RNLS: variants seen among roughly 807,000 people sequenced by gnomAD.
RNLS encodes the protein renalase.
A neutral mutation model predicts 39.8 loss-of-function variants in RNLS; 39 were observed. The observed-to-expected ratio is 0.98, with a 90% CI of 0.76 to 1.28. RNLS has a LOEUF of 1.28. Ranked by LOEUF, RNLS falls within the 50% of genes most tolerant of loss-of-function variation. RNLS has a pLI of 0.00. For missense variants in RNLS, 410 were observed against 413.3 expected, an observed-to-expected ratio of 0.99 and a Z score of 0.07; for synonymous variants, 147 against 150.7, an observed-to-expected ratio of 0.98 and a Z score of 0.18.
chr10:88,501,823 C>T (rs1382179241), intron 4 of RNLS, among the ~76,000 whole-genome samples: 1 of 152,122 alleles, frequency 6.6e-6, no homozygotes, highest in Non-Finnish European at 1.5e-5. Context: ...ATATATTTCT[C>T]TATATTTCCA....
chr10:88,250,960 A>C, the RNLS span, among the ~76,000 whole-genome samples: 3 of 152,198 alleles, frequency 2.0e-5, no homozygotes, highest in African/African-American at 7.2e-5. Context: ...GAAACTGTTA[A>C]ATGTGTTTCA....
At chr10:88,466,126 A>G (rs1024240251) in intron 4 of RNLS, among the ~76,000 whole-genome samples, 1 of 152,076 alleles carries the variant, frequency 6.6e-6, no homozygotes, top group Non-Finnish European at 1.5e-5. Flanking sequence ...GATGCCAGGG[A>G]GAGATATTAG....
chr10:88,315,982 T>C (rs1285442153), intron 5 of RNLS, among the ~76,000 whole-genome samples: 3 of 152,190 alleles, frequency 2.0e-5, no homozygotes, highest in African/African-American at 7.2e-5. Context: ...GTGTGAGTCA[T>C]GTTTTGTGAA....
At chr10:88,252,838 T>C in the RNLS span, among the ~76,000 whole-genome samples, 1 of 152,224 alleles carries the variant, frequency 6.6e-6, no homozygotes, top group Non-Finnish European at 1.5e-5. Context: ...ATTTAATACA[T>C]GTATTGTAGA....
chr10:88,313,449 TAA>T (rs1435410162), intron 6 of RNLS, among the ~76,000 whole-genome samples: 2 of 152,188 alleles, frequency 1.3e-5, no homozygotes, highest in Admixed American at 6.6e-5. Flanking sequence ...AAGGAAAAAG[TAA>T]AGTCTTCTAA....
At chr10:88,553,404 C>T (rs182721961) in intron 4 of RNLS, among the ~76,000 whole-genome samples, 1 of 152,202 alleles carries the variant, frequency 6.6e-6, no homozygotes, top group East Asian at 1.9e-4. Context: ...GTTCCAGGTC[C>T]CCACTTGGCC....
At chr10:88,255,505 G>A in the RNLS span, among the ~76,000 whole-genome samples, 8 of 152,198 alleles carry the variant, frequency 5.3e-5, no homozygotes, top group Non-Finnish European at 8.8e-5. Context: ...GGGTAGAGGG[G>A]TGATATGGGG....
At chr10:88,439,856 A>G (rs1250489977) in intron 4 of RNLS, among the ~76,000 whole-genome samples, 1 of 152,070 alleles carries the variant, frequency 6.6e-6, no homozygotes, top group African/African-American at 2.4e-5. Context: ...TCCTTTCCCC[A>G]TTTCTTGAAG....
chr10:88,472,757 T>C (rs1843617729), intron 4 of RNLS, among the ~76,000 whole-genome samples: 2 of 152,176 alleles, frequency 1.3e-5, no homozygotes, highest in East Asian at 1.9e-4. Context: ...GGGGAGCTTG[T>C]TGACAAAGCA....
At chr10:88,404,820 A>G (rs1179753964) in intron 4 of RNLS, among the ~76,000 whole-genome samples, 1 of 152,100 alleles carries the variant, frequency 6.6e-6, no homozygotes, top group African/African-American at 2.4e-5. Flanking sequence ...TGTACTTGGG[A>G]ATGGCAGGCA....
chr10:88,533,783 G>A (rs1847578745), intron 4 of RNLS, among the ~76,000 whole-genome samples: 1 of 152,086 alleles, frequency 6.6e-6, no homozygotes, highest in Admixed American at 6.6e-5. Flanking sequence ...TGAGGACAGT[G>A]ATGTCTAAAG....
chr10:88,282,608 G>A (rs373561108), downstream of RNLS, among the ~76,000 whole-genome samples: 26 of 152,000 alleles, frequency 1.7e-4, no homozygotes, highest in East Asian at 1.9e-3. Context: ...TAGGCGGGGG[G>A]TGGGGACCAT....
At chr10:88,491,950 G>C (rs1446430997) in intron 4 of RNLS, among the ~76,000 whole-genome samples, 1 of 147,210 alleles carries the variant, frequency 6.8e-6, no homozygotes, top group African/African-American at 2.5e-5. Context: ...GGGAGAAAAA[G>C]AGTTTTGTTT....
At chr10:88,420,323 T>G (rs1420886310) in intron 4 of RNLS, among the ~76,000 whole-genome samples, 1 of 152,210 alleles carries the variant, frequency 6.6e-6, no homozygotes, top group East Asian at 1.9e-4. Context: ...TGGCTGATGC[T>G]AACTGATTTT....
At chr10:88,558,590 A>G (rs1328777108) in intron 4 of RNLS, among the ~76,000 whole-genome samples, 3 of 152,136 alleles carry the variant, frequency 2.0e-5, no homozygotes, top group Admixed American at 6.6e-5. Context: ...CTAAACTCCA[A>G]GATGATGGAA....
chr10:88,319,386 C>T (rs1013420907), intron 5 of RNLS, among the ~76,000 whole-genome samples: 18 of 151,978 alleles, frequency 1.2e-4, no homozygotes, highest in African/African-American at 4.1e-4. Flanking sequence ...AGTGGATTGA[C>T]ACCTCCAAAG....
Position 88,575,155 on chromosome 10 carries a change from TATATACAC to T in RNLS, c.368-2102_368-2095del, listed in dbSNP as rs1223732742. ...ATATATATATATATATATATATATA[TATATACAC>T]ACACACACACACACACATATTATAT... On this transcript the variant is annotated intron_variant, in intron 3 of 6. Coordinates refer to ENST00000331772, the MANE Select transcript of RNLS (RefSeq NM_001031709.3). Among the ~76,000 whole-genome samples the T allele has an allele frequency of 9.9e-3, 612 of 61,982 alleles. 1 individual carries two copies. Among genetic ancestry groups the T allele is most frequent in the African/African-American group, 0.023 (281 of 12,020 alleles). The allele number at this position is 61,982 out of a possible 152,430, so 40.7% of individuals were successfully genotyped here. A position where few individuals can be genotyped will look rare whatever the true frequency, so the allele number is the denominator to read the frequency against.
rs151288821 is a variant in RNLS, at chr10:88,286,687, C to A, written c.877-1181G>T. Among the ~76,000 whole-genome samples, 43 of 151,570 alleles carry A rather than the reference C, an allele frequency of 2.8e-4. No homozygotes were observed. In the East Asian group the frequency reaches 8.2e-3, roughly 29 times the overall value. ...AGAGTAAGGCCCATGAGGATTTACT[C>A]ATTTAAAAATCAGGAAAAAAAAATC... On this transcript the variant is annotated intron_variant, in intron 6 of 6. Transcript: ENST00000331772.
At chr10:88,454,583 T>A (rs1842528596) in intron 4 of RNLS, among the ~76,000 whole-genome samples, 1 of 152,156 alleles carries the variant, frequency 6.6e-6, no homozygotes, top group African/African-American at 2.4e-5. Context: ...CCTTCAAACC[T>A]CCAACAAGGT....
Sources: gnomAD v4.1 joint callset for allele counts (sites outside exome capture counted in the v4.1 genomes callset) on GRCh38, gnomAD v4.1.1 for gene constraint, MANE v1.5 for transcripts, NCBI Gene and HGNC (gene_info 2026-07-23, HGNC 2026-07-21) for gene names.